Variants in RAB11FIP5 observed in about 807,000 individuals in gnomAD.
RAB11FIP5 encodes the protein RAB11 family interacting protein 5.
A neutral mutation model predicts 85.1 loss-of-function variants in RAB11FIP5; 48 were observed. The observed-to-expected ratio is 0.56, with a 90% CI of 0.45 to 0.72. RAB11FIP5 has a LOEUF of 0.72. RAB11FIP5 is among the 30% of genes least tolerant of loss of function. The probability of loss-of-function intolerance (pLI) is 0.00; values close to 1 mark genes in which losing one functional copy is unlikely to be tolerated. For synonymous variants in RAB11FIP5, 729 were observed against 727.3 expected (o/e 1.00, Z -0.04); for missense variants, 1,491 against 1,687.0 (o/e 0.88, Z 2.04).
chr2:73,111,355 G>A (rs1018360438), intron 1 of RAB11FIP5, among the ~76,000 whole-genome samples: 3 of 152,076 alleles, frequency 2.0e-5, no homozygotes, highest in African/African-American at 7.2e-5. Context: ...AAACCTTTCC[G>A]GCACCTCTCC....
At chr2:73,106,477 C>G (rs896242522) in intron 1 of RAB11FIP5, among the ~76,000 whole-genome samples, 1 of 152,178 alleles carries the variant, frequency 6.6e-6, no homozygotes, top group African/African-American at 2.4e-5. Flanking sequence ...AGGGAGATAT[C>G]CAGGCTTCCC....
Position 73,075,130 on chromosome 2 carries a change from GA to G in RAB11FIP5, c.*390del. ...GGGGATGGGGCTTTGGCTGTGGGAA[GA>G]AATGGCTGACCATCCTTGGGGGATA... On this transcript the variant is annotated 3_prime_UTR_variant, in exon 6 of 6. Coordinates refer to ENST00000486777, the MANE Select transcript of RAB11FIP5 (RefSeq NM_001371272.1). This position sits in a 1 kb window ranked among gnomAD's most constrained non-coding sequence, Gnocchi z 4.6. The G allele has an allele frequency of 2.3e-6, 1 of 434,216 alleles. No homozygotes were observed. Among genetic ancestry groups the G allele is most frequent in the South Asian group, 1.8e-5 (1 of 54,658 alleles). The allele number at this position is 434,216 out of a possible 1,614,324, so 26.9% of individuals were successfully genotyped here. A position where few individuals can be genotyped will look rare whatever the true frequency, so the allele number is the denominator to read the frequency against.
intron 1 of RAB11FIP5, among the ~76,000 whole-genome samples, chr2:73,099,276 C>T (rs1462362900): frequency 6.6e-6 from 1 of 152,118 alleles, no homozygotes; most frequent in African/African-American, 2.4e-5. Context: ...TTTCAAACTC[C>T]TGACCTCAGG....
Position 73,112,908 on chromosome 2 carries a change from C to T in RAB11FIP5, c.-131G>A. On this transcript the variant is annotated 5_prime_UTR_variant, in exon 1 of 6. Transcript: ENST00000486777. ...GCCGCAGCTGCGGGCTGGGCTGGGCCGGGCCGACCGGCCGCCGCCTCCCCG... is the reference window on the plus strand; with the variant it reads ...GCCGCAGCTGCGGGCTGGGCTGGGCTGGGCCGACCGGCCGCCGCCTCCCCG... 1.2e-6 allele frequency: 1 copy of T among 835,044 alleles called. No individual in the cohort carries two copies. The highest frequency in any genetic ancestry group is 1.6e-6 in the Non-Finnish European group (1 of 635,642). The allele number at this position is 835,044 out of a possible 1,614,324, so 51.7% of individuals were successfully genotyped here.
rs1165458153 is a variant in RAB11FIP5, at chr2:73,088,995, G to A, written c.752C>T (p.Ser251Leu). 3.7e-6 allele frequency: 6 copies of A among 1,614,222 alleles called. No homozygotes were observed. Among genetic ancestry groups the A allele is most frequent in the Non-Finnish European group, 5.1e-6 (6 of 1,180,038 alleles). Residue 251 changes from serine to leucine, a missense_variant, in exon 2 of 6, where the codon TCG becomes TTG. Around this residue, in one of 3 missense-constraint regions of RAB11FIP5, gnomAD observed 1,211 missense variants for 1,338.0 expected, o/e 0.91. Coordinates refer to ENST00000486777, the MANE Select transcript of RAB11FIP5 (RefSeq NM_001371272.1). ...RKSSLTQSNT[S>L]LGSDSTLSSA... is the part of the protein sequence containing the mutation. ...GGACAGGGTGCTGTCCGAGCCCAGC[G>A]AGGTGTTGGACTGGGTCAGGGACGA...
At position 73,081,020 on chromosome 2, in the gene RAB11FIP5, C is replaced by CCGCGCT. The variant is rs1683966334; in HGVS notation, c.2206_2211dup (p.Ser736_Ala737dup). Reference sequence around the variant, plus strand: ...ACCGACCCGAGGAGCCCTGGGTCAGCCGCGCTCGCGCTCTGGTGGTTCGGT... The same window carrying CCGCGCT: ...ACCGACCCGAGGAGCCCTGGGTCAGCCGCGCTCGCGCTCGCGCTCTGGTGGTTCGGT... On this transcript the variant is annotated inframe_insertion, in exon 4 of 6. Transcript: ENST00000486777. The surrounding 1 kb of genome is among the most constrained non-coding windows in gnomAD (Gnocchi z 4.2). The CCGCGCT allele has an allele frequency of 1.6e-6, 2 of 1,232,352 alleles. No individual in the cohort carries two copies. Among genetic ancestry groups the CCGCGCT allele is most frequent in the Admixed American group, 4.2e-5 (1 of 23,704 alleles). 76.3% of individuals were successfully genotyped at this position (1,232,352 alleles called of 1,614,324 possible).
rs571254102 is a variant in RAB11FIP5 at position 73,074,077 on chromosome 2, T to C, written c.*1444A>G. The C allele has an allele frequency of 1.3e-5, 2 of 152,346 alleles. No homozygotes were observed. Among genetic ancestry groups the C allele is most frequent in the African/African-American group, 4.8e-5 (2 of 41,570 alleles). The allele number at this position is 152,346 out of a possible 1,614,324, so 9.4% of individuals were successfully genotyped here. On this transcript the variant is annotated 3_prime_UTR_variant, in exon 6 of 6. Transcript: ENST00000486777. ...GCAGATGCCTTGGGGAAGCCTACCA[T>C]GTTTTCTACAAGCAAACCAGGGGCT...
rs140127985 is a variant in RAB11FIP5 at position 73,088,990 on chromosome 2, C to G, written c.757G>C (p.Gly253Arg). 6.8e-6 allele frequency: 11 copies of G among 1,614,088 alleles called. No individual in the cohort carries two copies. In the African/African-American group the frequency reaches 1.2e-4, roughly 18 times the overall value. Reference protein sequence around the residue: ...SSLTQSNTSLGSDSTLSSASG... With the variant: ...SSLTQSNTSLRSDSTLSSASG... ...GCTGAGGACAGGGTGCTGTCCGAGCCCAGCGAGGTGTTGGACTGGGTCAGG... is the reference window on the plus strand; with the variant it reads ...GCTGAGGACAGGGTGCTGTCCGAGCGCAGCGAGGTGTTGGACTGGGTCAGG... The change falls in exon 2 of 6, where the codon GGC becomes CGC. Residue 253 changes from glycine to arginine, a missense_variant. Coordinates refer to ENST00000486777, the MANE Select transcript of RAB11FIP5 (RefSeq NM_001371272.1).
intron 1 of RAB11FIP5, among the ~76,000 whole-genome samples, chr2:73,098,313 A>G (rs1430257565): frequency 1.3e-5 from 2 of 152,188 alleles, no homozygotes; most frequent in Non-Finnish European, 2.9e-5. Flanking sequence ...AGCATTTTGG[A>G]TTTTTATATC....
rs1393516858 is a variant in RAB11FIP5 at position 73,086,454 on chromosome 2, C to T, written c.1568+1596G>A. ...AGTGACAACCCCACAGACTCACAGC[C>T]TGTGGGAGTCCAAGCCCAAAGCCTG... On this transcript the variant is annotated intron_variant, in intron 3 of 5. Transcript: ENST00000486777. The surrounding 1 kb of genome is among the most constrained non-coding windows in gnomAD (Gnocchi z 4.4). Among the ~76,000 whole-genome samples, 1 of 152,202 alleles carries T rather than the reference C, an allele frequency of 6.6e-6. No individual in the cohort carries two copies. The highest frequency in any genetic ancestry group is 2.4e-5 in the African/African-American group (1 of 41,444).
At chr2:73,103,037 C>T (rs1684459365) in intron 1 of RAB11FIP5, among the ~76,000 whole-genome samples, 1 of 152,370 alleles carries the variant, frequency 6.6e-6, no homozygotes, top group Admixed American at 6.5e-5. Context: ...GTGCCCACCA[C>T]AGCAGCCTGC....
Position 73,112,678 on chromosome 2 carries a change from T to C in RAB11FIP5, c.100A>G (p.Lys34Glu). 6.3e-7 allele frequency: 1 copy of C among 1,590,238 alleles called. No homozygotes were observed. Among genetic ancestry groups the C allele is most frequent in the South Asian group, 1.1e-5 (1 of 87,510 alleles). ...TVLRARGLRGKSSGAGSTSDA... is the reference protein window; with the variant it reads ...TVLRARGLRGESSGAGSTSDA... ...CTGGTGCTGCCCGCTCCCGAGCTCT[T>C]GCCCCGCAGCCCGCGGGCCCGCAGC... The change falls in exon 1 of 6, where the codon AAG becomes GAG. Residue 34 changes from lysine to glutamate, a missense_variant. This residue lies in a region of RAB11FIP5 where 1,211 missense variants were observed against 1,338.0 expected (regional missense o/e 0.91). Coordinates refer to ENST00000486777, the MANE Select transcript of RAB11FIP5 (RefSeq NM_001371272.1).
At position 73,075,608 on chromosome 2, in the gene RAB11FIP5, C is replaced by T. The variant is rs758685563; in HGVS notation, c.3888G>A (p.Glu1296=). ...ELSQRDEHVQ[E]LESYIDRLLV... Reference sequence around the variant, plus strand: ...GCAGCCGGTCGATGTAGCTCTCCAGCTCCTGCACATGCTCGTCCCGCTGGC... The same window carrying T: ...GCAGCCGGTCGATGTAGCTCTCCAGTTCCTGCACATGCTCGTCCCGCTGGC... Residue 1296 remains glutamate, a synonymous_variant, in exon 6 of 6, where the codon GAG becomes GAA. Transcript: ENST00000486777. This position sits in a 1 kb window ranked among gnomAD's most constrained non-coding sequence, Gnocchi z 4.6. The T allele has an allele frequency of 9.5e-5, 154 of 1,614,080 alleles. No homozygotes were observed. The highest frequency in any genetic ancestry group is 1.3e-4 in the Non-Finnish European group (150 of 1,180,024).
chr2:73,081,780 G>T lies in RAB11FIP5; in HGVS notation c.1569-117C>A. The T allele has an allele frequency of 1.0e-6, 1 of 984,668 alleles. No homozygotes were observed. Among genetic ancestry groups the T allele is most frequent in the Admixed American group, 4.3e-5 (1 of 23,388 alleles). The allele number at this position is 984,668 out of a possible 1,614,324, so 61.0% of individuals were successfully genotyped here. ...AGGGGCCATAACACACACATAGGCT[G>T]GATTTACCTACTTGGGCCAGGGTAC... On this transcript the variant is annotated intron_variant, in intron 3 of 5. Coordinates refer to ENST00000486777, the MANE Select transcript of RAB11FIP5 (RefSeq NM_001371272.1). The surrounding 1 kb of genome is among the most constrained non-coding windows in gnomAD (Gnocchi z 4.2).
At chr2:73,103,253 T>C (rs776221708) in intron 1 of RAB11FIP5, among the ~76,000 whole-genome samples, 1 of 152,142 alleles carries the variant, frequency 6.6e-6, no homozygotes, top group African/African-American at 2.4e-5. Flanking sequence ...CCAGCAACCT[T>C]TGGAGGGAGC....
At position 73,079,659 on chromosome 2, in the gene RAB11FIP5, G is replaced by C; in HGVS notation, c.3573C>G (p.Pro1191=). The change falls in exon 4 of 6, where the codon CCC becomes CCG. Residue 1191 remains proline, a synonymous_variant. Transcript: ENST00000486777. ...LETRPAEEPQ[P]SASPHPVKPL... is the part of the protein sequence containing the mutation. ...TGGGGGTGGATGCTCACCTGGCACTGGGCTGTGGCTCCTCAGCTGGTCGTG... is the reference window on the plus strand; with the variant it reads ...TGGGGGTGGATGCTCACCTGGCACTCGGCTGTGGCTCCTCAGCTGGTCGTG... The C allele has an allele frequency of 8.1e-7, 1 of 1,233,412 alleles. No homozygotes were observed. The highest frequency in any genetic ancestry group is 1.0e-6 in the Non-Finnish European group (1 of 988,922). The allele number at this position is 1,233,412 out of a possible 1,614,324, so 76.4% of individuals were successfully genotyped here.
At chr2:73,103,706 A>T (rs1343726819) in intron 1 of RAB11FIP5, among the ~76,000 whole-genome samples, 1 of 152,166 alleles carries the variant, frequency 6.6e-6, no homozygotes, top group Admixed American at 6.5e-5. Context: ...GCCAAACCAC[A>T]CAGAAAGATG....
At chr2:73,077,799 T>C (rs1189042322) in intron 4 of RAB11FIP5, among the ~76,000 whole-genome samples, 6 of 152,210 alleles carry the variant, frequency 3.9e-5, no homozygotes, top group East Asian at 1.9e-4. Context: ...ACATAAACTA[T>C]AACATAAACT....
At chr2:73,107,395 C>A (rs1684549105) in intron 1 of RAB11FIP5, among the ~76,000 whole-genome samples, 1 of 152,274 alleles carries the variant, frequency 6.6e-6, no homozygotes, top group African/African-American at 2.4e-5. Flanking sequence ...GTGGGGCGGG[C>A]AGCTCCCAGC....
Sources: allele counts gnomAD v4.1 joint callset (sites outside exome capture counted in the v4.1 genomes callset), GRCh38; gene constraint gnomAD v4.1.1; regional missense constraint gnomAD v4.1.1; non-coding constraint Gnocchi (gnomAD v3.1); transcripts MANE v1.5; gene names NCBI Gene and HGNC (gene_info 2026-07-23, HGNC 2026-07-21).